CNTN3: variants seen among roughly 807,000 people sequenced by gnomAD.
CNTN3 encodes the protein contactin-3.
A neutral mutation model predicts 119.1 loss-of-function variants in CNTN3; 60 were observed. The observed-to-expected ratio is 0.50, with a 90% CI of 0.41 to 0.62. The LOEUF (loss-of-function observed/expected upper bound fraction) is 0.62. CNTN3 is among the 20% of genes least tolerant of loss of function. The pLI, the probability that CNTN3 is intolerant of heterozygous loss-of-function variation, is 0.00. For synonymous variants in CNTN3, 450 were observed against 438.7 expected (o/e 1.03, Z -0.32); for missense variants, 1,101 against 1,242.4 (o/e 0.89, Z 1.71).
chr3:74,336,830 T>C (rs970902349), intron 11 of CNTN3, among the ~76,000 whole-genome samples, 172 bp from the exon 12 acceptor site: 2 of 151,652 alleles, frequency 1.3e-5, no homozygotes, highest in Non-Finnish European at 2.9e-5. Flanking sequence ...CACCCCTCAC[T>C]CACATACATA....
At chr3:74,292,710 T>A (rs1402853535) in intron 19 of CNTN3, among the ~76,000 whole-genome samples, 1 of 152,228 alleles carries the variant, frequency 6.6e-6, no homozygotes, top group East Asian at 1.9e-4. Context: ...AAAACGAGGA[T>A]CACAGAGTTT....
intron 3 of CNTN3, among the ~76,000 whole-genome samples, chr3:74,488,943 C>T (rs190472439): frequency 1.5e-3 from 236 of 152,302 alleles, no homozygotes; most frequent in South Asian, 2.7e-3. Flanking sequence ...ATCTCATGAA[C>T]ATTTGTGTCA....
intron 13 of CNTN3, among the ~76,000 whole-genome samples, chr3:74,303,703 C>G (rs1360894728): frequency 6.6e-6 from 1 of 151,970 alleles, no homozygotes; most frequent in Non-Finnish European, 1.5e-5. Flanking sequence ...GTCTCCGCCT[C>G]CAAAAAATAA....
At chr3:74,593,997 T>G (rs966171158) in intron 1 of CNTN3, among the ~76,000 whole-genome samples, 4 of 151,870 alleles carry the variant, frequency 2.6e-5, no homozygotes, top group African/African-American at 9.7e-5. Flanking sequence ...CAGAGGGGAT[T>G]GAAGATGTAG....
intron 4 of CNTN3, among the ~76,000 whole-genome samples, chr3:74,449,896 G>A (rs571865088): frequency 5.9e-5 from 9 of 152,244 alleles, no homozygotes; most frequent in African/African-American, 2.2e-4. Flanking sequence ...GTATTTTAAT[G>A]TTCTGGACCA....
intron 4 of CNTN3, among the ~76,000 whole-genome samples, chr3:74,461,514 A>G (rs1480045830): frequency 6.6e-6 from 1 of 152,070 alleles, no homozygotes; most frequent in African/African-American, 2.4e-5. Context: ...TTGGTGCTAC[A>G]TACTTTCTAG....
chr3:74,358,129 T>G (rs1703983290), intron 11 of CNTN3, among the ~76,000 whole-genome samples: 1 of 152,212 alleles, frequency 6.6e-6, no homozygotes, highest in African/African-American at 2.4e-5. Flanking sequence ...ATCAAGGCCC[T>G]GGCTCGTCAG....
intron 20 of CNTN3, among the ~76,000 whole-genome samples, chr3:74,279,300 C>G (rs1380581108): frequency 6.6e-6 from 1 of 152,198 alleles, no homozygotes; most frequent in Non-Finnish European, 1.5e-5. Context: ...GAAAAAGATA[C>G]TTGCACATGC....
At chr3:74,454,484 T>C (rs1702224651) in intron 4 of CNTN3, among the ~76,000 whole-genome samples, 1 of 152,094 alleles carries the variant, frequency 6.6e-6, no homozygotes, top group South Asian at 2.1e-4. Context: ...GTCTGTGTCT[T>C]TTAATTGGAG....
Position 74,422,855 on chromosome 3 carries a change from C to A in CNTN3, c.454+1990G>T, listed in dbSNP as rs558948233. ...CTCCCTCTTTTTACTCATAATACAA[C>A]ACTTCTTTTGGAAACTGCTTCTTTC... On this transcript the variant is annotated intron_variant, in intron 5 of 22. Transcript: ENST00000263665. Among the ~76,000 whole-genome samples, 19 of 152,250 alleles carry A rather than the reference C, an allele frequency of 1.2e-4. No individual in the cohort carries two copies. The South Asian group carries it at 3.5e-3, about 28-fold the overall frequency.
At chr3:74,299,271 T>C (rs781413289) in intron 17 of CNTN3, among the ~76,000 whole-genome samples, 1 of 152,222 alleles carries the variant, frequency 6.6e-6, no homozygotes, top group Non-Finnish European at 1.5e-5. Flanking sequence ...GTCAAAAATT[T>C]TGTTGACACA....
intron 4 of CNTN3, among the ~76,000 whole-genome samples, chr3:74,432,581 C>T (rs1701802114): frequency 1.3e-5 from 2 of 152,136 alleles, no homozygotes; most frequent in East Asian, 1.9e-4. Flanking sequence ...TTAAAGCATG[C>T]CCACTACAAA....
chr3:74,378,270 C>A (rs1292802611), intron 5 of CNTN3, among the ~76,000 whole-genome samples: 1 of 152,174 alleles, frequency 6.6e-6, no homozygotes, highest in East Asian at 1.9e-4. Flanking sequence ...GTTCAAATAA[C>A]ACATAGTCAA....
intron 1 of CNTN3, among the ~76,000 whole-genome samples, chr3:74,579,759 A>G (rs12106977): frequency 0.15 from 23,173 of 152,118 alleles, 1,952 homozygotes; most frequent in East Asian, 0.35. Context: ...TTGCAGTGGA[A>G]GCGTTGTTAA....
At chr3:74,338,762 TTA>T (rs1465502923) in intron 11 of CNTN3, among the ~76,000 whole-genome samples, 15 of 152,136 alleles carry the variant, frequency 9.9e-5, no homozygotes, top group Admixed American at 9.8e-4. Context: ...TAAGGTATAT[TTA>T]AAATAAAAAG....
At chr3:74,395,004 T>C (rs887644544) in intron 5 of CNTN3, among the ~76,000 whole-genome samples, 1 of 152,160 alleles carries the variant, frequency 6.6e-6, no homozygotes. Flanking sequence ...TAAGATAAAA[T>C]GCAAATAATA....
chr3:74,607,469 A>G (rs924012944), intron 1 of CNTN3, among the ~76,000 whole-genome samples: 1 of 152,226 alleles, frequency 6.6e-6, no homozygotes, highest in African/African-American at 2.4e-5. Flanking sequence ...ACCTGCATGA[A>G]GCATTCAGTT....
intron 3 of CNTN3, among the ~76,000 whole-genome samples, chr3:74,498,828 G>A (rs776543292): frequency 6.6e-6 from 1 of 151,958 alleles, no homozygotes; most frequent in East Asian, 1.9e-4. Flanking sequence ...TTGCATGAAA[G>A]AGCGTGTTGT....
In CNTN3 at chr3:74,392,311, C is replaced by CAT. The variant is rs1170044129; in HGVS notation, c.455-20914_455-20913dup. 4.6e-5 allele frequency among the ~76,000 whole-genome samples: 7 copies of CAT among 152,228 alleles called. 1 individual carries two copies. The highest frequency in any genetic ancestry group is 4.6e-4 in the Admixed American group (7 of 15,284). ...ACAATGGCTATATTTGGTCTGCTTA[C>CAT]ATATCCTCCCTCCCTTTCCTGTTTT... On this transcript the variant is annotated intron_variant, in intron 5 of 22. Transcript: ENST00000263665.
Sources: allele counts gnomAD v4.1 joint callset (sites outside exome capture counted in the v4.1 genomes callset), GRCh38; gene constraint gnomAD v4.1.1; transcripts MANE v1.5; gene names NCBI Gene and HGNC (gene_info 2026-07-23, HGNC 2026-07-21).